Variants in POU6F2 observed in about 807,000 individuals in gnomAD.
The protein encoded by POU6F2 is POU class 6 homeobox 2.
POU6F2 carries 31 observed loss-of-function variants against 71.3 expected under a neutral mutation model. The ratio of observed to expected loss-of-function variants is 0.43; its 90% confidence interval spans 0.33 to 0.59. The LOEUF (loss-of-function observed/expected upper bound fraction) is 0.59. Ranked by LOEUF, POU6F2 falls within the 20% of genes least tolerant of loss-of-function variation. POU6F2 has a pLI of 0.04. For missense variants in POU6F2, 783 were observed against 856.8 expected (o/e 0.91, Z 1.07); for synonymous variants, 347 against 355.7 (o/e 0.98, Z 0.27).
intron 2 of POU6F2, among the ~76,000 whole-genome samples, chr7:39,153,959 G>A (rs1792810879): frequency 6.6e-6 from 1 of 152,206 alleles, no homozygotes; most frequent in South Asian, 2.1e-4. Flanking sequence ...ATGTTCACAA[G>A]TAAGTGGTAG....
chr7:39,270,290 A>G (rs1439595647), intron 4 of POU6F2, among the ~76,000 whole-genome samples: 1 of 152,226 alleles, frequency 6.6e-6, no homozygotes, highest in Non-Finnish European at 1.5e-5. Context: ...GAGCAAACAC[A>G]TGAAGTAGCA....
intron 5 of POU6F2, among the ~76,000 whole-genome samples, chr7:39,342,931 T>G (rs974543679): frequency 2.6e-5 from 4 of 152,096 alleles, no homozygotes; most frequent in Non-Finnish European, 5.9e-5. Context: ...GACGCACAGG[T>G]AGGGGGATCA....
chr7:39,458,135 C>T (rs1160090284), intron 8 of POU6F2, among the ~76,000 whole-genome samples: 1 of 150,682 alleles, frequency 6.6e-6, no homozygotes, highest in Non-Finnish European at 1.5e-5. Context: ...CCCCTCAGAA[C>T]CAATATCAGC....
chr7:39,201,476 C>T (rs1241315297), intron 2 of POU6F2, among the ~76,000 whole-genome samples: 3 of 152,140 alleles, frequency 2.0e-5, no homozygotes, highest in Non-Finnish European at 4.4e-5. Context: ...GAATTAAAAG[C>T]CAGACCCCTA....
chr7:39,219,271 A>G (rs1339145269), intron 4 of POU6F2, among the ~76,000 whole-genome samples: 1 of 152,216 alleles, frequency 6.6e-6, no homozygotes, highest in Non-Finnish European at 1.5e-5. Context: ...TTCCATGTAT[A>G]AAGAAGCTAT....
chr7:39,429,198 T>C (rs565957558), intron 6 of POU6F2, among the ~76,000 whole-genome samples: 2 of 152,190 alleles, frequency 1.3e-5, no homozygotes, highest in African/African-American at 4.8e-5. Flanking sequence ...CTCAACCTTT[T>C]CTTGCATTCA....
chr7:39,451,389 T>G, intron 7 of POU6F2, 144 bp from the exon 8 acceptor site: 1 of 708,668 alleles, frequency 1.4e-6, no homozygotes, highest in Non-Finnish European at 2.1e-6. Context: ...AATGACTGCC[T>G]GCTGTGTAGG....
intron 4 of POU6F2, among the ~76,000 whole-genome samples, chr7:39,227,473 T>C (rs1794489391): frequency 6.6e-6 from 1 of 152,048 alleles, no homozygotes; most frequent in African/African-American, 2.4e-5. Flanking sequence ...CACCTGGGCT[T>C]TGTAAAAAAG....
intron 4 of POU6F2, among the ~76,000 whole-genome samples, chr7:39,210,016 A>G (rs1356466939): frequency 3.3e-5 from 5 of 152,232 alleles, no homozygotes; most frequent in African/African-American, 1.2e-4. Flanking sequence ...TGCAGTCAAC[A>G]GCGAGGGGAG....
At chr7:39,461,784 C>T (rs1214948236) in intron 9 of POU6F2, among the ~76,000 whole-genome samples, 1 of 152,132 alleles carries the variant, frequency 6.6e-6, no homozygotes, top group African/African-American at 2.4e-5. Context: ...TCTATGGCCT[C>T]CCCTACTGTT....
At chr7:39,080,204 T>C (rs1168007058) in intron 1 of POU6F2, among the ~76,000 whole-genome samples, 1 of 152,208 alleles carries the variant, frequency 6.6e-6, no homozygotes, top group Non-Finnish European at 1.5e-5. Flanking sequence ...TTATAACTTT[T>C]GGGAGAAATA....
chr7:39,302,906 G>A (rs76368538), intron 4 of POU6F2, among the ~76,000 whole-genome samples: 2 of 152,334 alleles, frequency 1.3e-5, no homozygotes, highest in African/African-American at 4.8e-5. Context: ...ATTTGAATGT[G>A]CATCAGAATC....
intron 4 of POU6F2, among the ~76,000 whole-genome samples, chr7:39,307,243 A>G (rs1441883617): frequency 6.6e-6 from 1 of 152,204 alleles, no homozygotes; most frequent in African/African-American, 2.4e-5. Flanking sequence ...CAGCTTTGGG[A>G]TTGTAGATCA....
intron 7 of POU6F2, among the ~76,000 whole-genome samples, chr7:39,436,421 G>A (rs1788243764): frequency 6.6e-6 from 1 of 152,008 alleles, no homozygotes; most frequent in Admixed American, 6.5e-5. Context: ...TTGGCTCTCT[G>A]CTTGTCTATT....
chr7:39,318,782 C>A (rs1785324424), intron 4 of POU6F2, among the ~76,000 whole-genome samples: 1 of 152,168 alleles, frequency 6.6e-6, no homozygotes, highest in Admixed American at 6.5e-5. Context: ...TCCCAGGCTA[C>A]TGCTAGGTAA....
At chr7:39,071,203 A>G (rs1409312661) in intron 1 of POU6F2, among the ~76,000 whole-genome samples, 1 of 152,136 alleles carries the variant, frequency 6.6e-6, no homozygotes, top group African/African-American at 2.4e-5. Flanking sequence ...GAAGACAGTG[A>G]CAGATCATCA....
chr7:39,449,814 A>G (rs1788614350), intron 7 of POU6F2, among the ~76,000 whole-genome samples: 1 of 152,214 alleles, frequency 6.6e-6, no homozygotes, highest in Non-Finnish European at 1.5e-5. Flanking sequence ...AACAAAATGA[A>G]TGAATCTCAA....
rs116778671 is a variant in POU6F2, at chr7:39,250,155, C to T, written c.598+42535C>T. ...CTCCTGCATTTTCACGTGTCTTATT[C>T]AGAAAACCCCTGCAACCCACACACA... On this transcript the variant is annotated intron_variant, in intron 4 of 9. Transcript: ENST00000518318. 1.7e-3 allele frequency among the ~76,000 whole-genome samples: 263 copies of T among 152,268 alleles called. 2 individuals carry two copies. The highest frequency in any genetic ancestry group is 6.0e-3 in the African/African-American group (250 of 41,564).
chr7:39,035,154 A>G (rs1474831336), intron 1 of POU6F2, among the ~76,000 whole-genome samples: 1 of 151,892 alleles, frequency 6.6e-6, no homozygotes, highest in Non-Finnish European at 1.5e-5. Flanking sequence ...CTGGTTGGAA[A>G]GTGAATGTAA....
Sources: allele counts gnomAD v4.1 joint callset (sites outside exome capture counted in the v4.1 genomes callset), GRCh38; gene constraint gnomAD v4.1.1; transcripts MANE v1.5; gene names NCBI Gene and HGNC (gene_info 2026-07-23, HGNC 2026-07-21).